The following CACNA1A variants were observed in gnomAD, a reference collection of about 807,000 sequenced individuals.
CACNA1A encodes calcium voltage-gated channel subunit alpha1 A.
In CACNA1A, 57 loss-of-function variants were observed where a neutral mutation model predicts 262.4. That is an observed-to-expected ratio of 0.22 (90% confidence interval 0.18 to 0.27). The LOEUF is 0.27. CACNA1A is among the 10% of genes least tolerant of loss of function. The pLI is 1.00. For missense variants in CACNA1A, 2,526 were observed against 3,562.8 expected (o/e 0.71, Z 7.41); for synonymous variants, 1,431 against 1,419.3 (o/e 1.01, Z -0.18).
chr19:13,298,786 C>G lies in CACNA1A; in HGVS notation c.2847G>C (p.Thr949=), dbSNP rs1212149606. ...SRESRSGSPR[T]GADGEHRRHR... ...GACGTCGATGCTCCCCGTCCGCGCC[C>G]GTGCGCGGGGACCCGCTGCGGCTCT... Residue 949 remains threonine, a synonymous_variant, in exon 19 of 47, where the codon ACG becomes ACC. Coordinates refer to ENST00000360228, the MANE Select transcript of CACNA1A (RefSeq NM_001127222.2). 1 of 1,539,744 alleles carries G rather than the reference C, an allele frequency of 6.5e-7. No individual in the cohort carries two copies. Among genetic ancestry groups the G allele is most frequent in the Non-Finnish European group, 8.7e-7 (1 of 1,153,670 alleles).
At chr19:13,440,446 G>T (rs963092526) in intron 3 of CACNA1A, among the ~76,000 whole-genome samples, 2 of 152,206 alleles carry the variant, frequency 1.3e-5, no homozygotes, top group African/African-American at 4.8e-5. Flanking sequence ...AATAGCAAAC[G>T]TTCCCTACAG....
chr19:13,305,527 T>C (rs1046240856), intron 15 of CACNA1A, among the ~76,000 whole-genome samples: 4 of 152,170 alleles, frequency 2.6e-5, no homozygotes, highest in Non-Finnish European at 5.9e-5. Flanking sequence ...AAAACAGGGT[T>C]TCTAAGCCTC....
intron 1 of CACNA1A, among the ~76,000 whole-genome samples, chr19:13,483,883 C>T (rs1428354152): frequency 6.6e-6 from 1 of 152,104 alleles, no homozygotes; most frequent in African/African-American, 2.4e-5. Context: ...ATAATGAGTC[C>T]ACACCATGTG....
At chr19:13,341,081 G>T (rs544072258) in intron 6 of CACNA1A, among the ~76,000 whole-genome samples, 3 of 152,066 alleles carry the variant, frequency 2.0e-5, no homozygotes, top group Non-Finnish European at 2.9e-5. Context: ...CTAAAATAAA[G>T]AAACAAACAA....
intron 5 of CACNA1A, among the ~76,000 whole-genome samples, chr19:13,361,335 C>T (rs2059107387): frequency 6.6e-6 from 1 of 152,090 alleles, no homozygotes; most frequent in African/African-American, 2.4e-5. Context: ...AGGCTGAACG[C>T]TAAAGGTCAG....
At chr19:13,445,140 C>CAAA (rs146865083) in intron 3 of CACNA1A, among the ~76,000 whole-genome samples, 2 of 104,100 alleles carry the variant, frequency 1.9e-5, no homozygotes, top group Non-Finnish European at 2.1e-5. Flanking sequence ...AACTCCGTCT[C>CAAA]AAAAAAAAAA....
chr19:13,402,787 TACATATATACAC>T (rs1357578549), intron 3 of CACNA1A, among the ~76,000 whole-genome samples: 6 of 129,040 alleles, frequency 4.6e-5, no homozygotes, highest in African/African-American at 1.1e-4. Context: ...TACATATATA[TACATATATACAC>T]ACATATATAT....
At chr19:13,211,049 A>T (rs970706387) in intron 43 of CACNA1A, 4 of 233,778 alleles carry the variant, frequency 1.7e-5, no homozygotes, top group African/African-American at 9.0e-5. Flanking sequence ...GGTGGCCGTC[A>T]GCTGGGCTTG....
chr19:13,482,340 G>A (rs1454221490), intron 1 of CACNA1A, among the ~76,000 whole-genome samples: 3 of 151,962 alleles, frequency 2.0e-5, no homozygotes, highest in Non-Finnish European at 4.4e-5. Context: ...AAAACTAGCC[G>A]GGCGTGGTGG....
At chr19:13,366,017 C>G (rs2144527140) in intron 4 of CACNA1A, 1 of 150,734 alleles carries the variant, frequency 6.6e-6, no homozygotes, top group Non-Finnish European at 1.5e-5. Flanking sequence ...GAGACAGAGT[C>G]TTGTTATATC....
intron 12 of CACNA1A, among the ~76,000 whole-genome samples, chr19:13,309,819 G>GTT (rs1453252844): frequency 6.6e-6 from 1 of 151,972 alleles, no homozygotes; most frequent in Non-Finnish European, 1.5e-5. Context: ...AAAAAAAACT[G>GTT]AGGTGAAATT....
chr19:13,268,569 A>G (rs1485583726), intron 24 of CACNA1A, among the ~76,000 whole-genome samples: 1 of 151,270 alleles, frequency 6.6e-6, no homozygotes, highest in Non-Finnish European at 1.5e-5. Context: ...GAGTGCTGGG[A>G]CTACAGGCGC....
At chr19:13,379,993 T>C (rs910837560) in intron 3 of CACNA1A, among the ~76,000 whole-genome samples, 1 of 131,642 alleles carries the variant, frequency 7.6e-6, no homozygotes, top group Non-Finnish European at 1.6e-5. Flanking sequence ...GAGCTACTTA[T>C]GAAATTTTAT....
Position 13,291,834 on chromosome 19 carries a change from G to C in CACNA1A, c.3090-4868C>G, listed in dbSNP as rs974997340. ...TAAAAAAACCAACTTGGGCCCATTG[G>C]GGGTACCGTAAGAATTAGAGTGCTA... On this transcript the variant is annotated intron_variant, in intron 19 of 46. Coordinates refer to ENST00000360228, the MANE Select transcript of CACNA1A (RefSeq NM_001127222.2). Among the ~76,000 whole-genome samples the C allele has an allele frequency of 4.0e-5, 6 of 151,852 alleles. No homozygotes were observed. In the East Asian group the frequency reaches 7.8e-4, roughly 20 times the overall value.
At chr19:13,504,923 G>A (rs534177549) in intron 1 of CACNA1A, among the ~76,000 whole-genome samples, 13 of 152,034 alleles carry the variant, frequency 8.6e-5, no homozygotes, top group African/African-American at 2.9e-4. Flanking sequence ...CATCTCCACA[G>A]AAGAAAATGT....
At chr19:13,356,719 C>A (rs2059012848) in intron 6 of CACNA1A, among the ~76,000 whole-genome samples, 1 of 152,146 alleles carries the variant, frequency 6.6e-6, no homozygotes, top group Admixed American at 6.5e-5. Flanking sequence ...GAGTTCCCAG[C>A]CTTCTCCATT....
chr19:13,309,123 C>T (rs1016336868), intron 12 of CACNA1A, among the ~76,000 whole-genome samples: 2 of 152,150 alleles, frequency 1.3e-5, no homozygotes, highest in African/African-American at 4.8e-5. Flanking sequence ...ATTCTCCTGC[C>T]TCAGCCTCCC....
At chr19:13,334,642 G>A in intron 7 of CACNA1A, 149 bp from the exon 8 acceptor site, 1 of 602,144 alleles carries the variant, frequency 1.7e-6, no homozygotes, top group Non-Finnish European at 3.0e-6. Context: ...GAGGTCAGGA[G>A]TTTTCAACAG....
Position 13,212,061 on chromosome 19 carries a change from G to T in CACNA1A, c.6303+42C>A. The T allele has an allele frequency of 7.0e-7, 1 of 1,424,332 alleles. No individual in the cohort carries two copies. 88.2% of individuals were successfully genotyped at this position (1,424,332 alleles called of 1,614,324 possible). Reference sequence around the variant, plus strand: ...GGGGGGCCTGGCCCTACCCAGTGCAGAGTGAGGGGTCCAGCCCCAGGGCAG... The same window carrying T: ...GGGGGGCCTGGCCCTACCCAGTGCATAGTGAGGGGTCCAGCCCCAGGGCAG... On this transcript the variant is annotated intron_variant, in intron 43 of 46. Transcript: ENST00000360228. This position sits in a 1 kb window ranked among gnomAD's most constrained non-coding sequence, Gnocchi z 5.6.
Sources: gnomAD v4.1 joint callset for allele counts (sites outside exome capture counted in the v4.1 genomes callset) on GRCh38, gnomAD v4.1.1 for gene constraint, Gnocchi (gnomAD v3.1) non-coding constraint, MANE v1.5 for transcripts, NCBI Gene and HGNC (gene_info 2026-07-23, HGNC 2026-07-21) for gene names.